AK5: variants seen among roughly 807,000 people sequenced by gnomAD.
The protein encoded by AK5 is adenylate kinase 5.
Under a neutral mutation model 69.5 loss-of-function variants are expected in AK5, and 27 were observed. The observed-to-expected ratio is 0.39, with a 90% CI of 0.29 to 0.54. The LOEUF is 0.54. AK5 is among the 20% of genes least tolerant of loss of function. AK5 has a pLI of 0.71. For missense variants in AK5, 531 were observed against 700.4 expected (o/e 0.76, Z 2.73); for synonymous variants, 260 against 244.4 (o/e 1.06, Z -0.60).
intron 6 of AK5, among the ~76,000 whole-genome samples, chr1:77,380,255 C>T (rs1647538418): frequency 6.6e-6 from 1 of 152,186 alleles, no homozygotes; most frequent in Non-Finnish European, 1.5e-5. Flanking sequence ...GCCCCCAGAG[C>T]AGTAATAATA....
intron 8 of AK5, among the ~76,000 whole-genome samples, chr1:77,482,266 T>G (rs1277203359): frequency 6.6e-6 from 1 of 152,158 alleles, no homozygotes; most frequent in Non-Finnish European, 1.5e-5. Context: ...AAGACATAGG[T>G]GAGAGTGAGA....
At chr1:77,444,341 ACACAATATATGT>A (rs61382755) in intron 8 of AK5, among the ~76,000 whole-genome samples, 107 of 63,250 alleles carry the variant, frequency 1.7e-3, no homozygotes, top group Middle Eastern at 0.01. Context: ...TAGTATATAT[ACACAATATATGT>A]GTATATATAG....
chr1:77,352,078 T>C (rs928919556), intron 6 of AK5, among the ~76,000 whole-genome samples: 2 of 151,938 alleles, frequency 1.3e-5, no homozygotes, highest in Non-Finnish European at 2.9e-5. Flanking sequence ...TACAGGTGCC[T>C]GCCACCATGC....
intron 6 of AK5, among the ~76,000 whole-genome samples, chr1:77,402,589 T>C (rs1425856638): frequency 6.6e-6 from 1 of 152,078 alleles, no homozygotes; most frequent in Non-Finnish European, 1.5e-5. Flanking sequence ...AATGATGATT[T>C]CCAGCTTCAT....
At chr1:77,289,334 G>C (rs187817584) in intron 2 of AK5, among the ~76,000 whole-genome samples, 10 of 152,218 alleles carry the variant, frequency 6.6e-5, no homozygotes, top group Admixed American at 1.3e-4. Context: ...TGATATTTTT[G>C]TGGGCTTGAA....
chr1:77,527,332 G>A (rs534668917), intron 12 of AK5, among the ~76,000 whole-genome samples: 103 of 152,250 alleles, frequency 6.8e-4, no homozygotes, highest in African/African-American at 2.4e-3. Context: ...GCAGCCCATT[G>A]GTCTGTCCTC....
chr1:77,382,966 A>T (rs552527184), intron 6 of AK5, among the ~76,000 whole-genome samples: 1 of 152,314 alleles, frequency 6.6e-6, no homozygotes, highest in African/African-American at 2.4e-5. Flanking sequence ...AAATAAAAGA[A>T]ATACAAAGAG....
At chr1:77,413,872 C>G (rs150717760) in intron 7 of AK5, among the ~76,000 whole-genome samples, 75 of 152,280 alleles carry the variant, frequency 4.9e-4, no homozygotes, top group African/African-American at 1.7e-3. Flanking sequence ...CCCCACTTCC[C>G]CTTCTCACCC....
chr1:77,429,543 G>C (rs1651453345), intron 8 of AK5, among the ~76,000 whole-genome samples: 1 of 152,184 alleles, frequency 6.6e-6, no homozygotes, highest in Non-Finnish European at 1.5e-5. Context: ...CTATCATAGA[G>C]CTTATAGTAG....
At chr1:77,457,112 A>G (rs559451619) in intron 8 of AK5, among the ~76,000 whole-genome samples, 49 of 151,846 alleles carry the variant, frequency 3.2e-4, no homozygotes, top group African/African-American at 1.1e-3. Flanking sequence ...CGTTGTTCTG[A>G]TTTTCAGTCC....
chr1:77,318,813 G>A (rs1489021945), intron 5 of AK5, among the ~76,000 whole-genome samples: 1 of 151,590 alleles, frequency 6.6e-6, no homozygotes, highest in Non-Finnish European at 1.5e-5. Context: ...CACTTCTTCA[G>A]CAAATTATGT....
intron 6 of AK5, among the ~76,000 whole-genome samples, chr1:77,401,829 G>A (rs535023980): frequency 6.6e-6 from 1 of 152,208 alleles, no homozygotes; most frequent in East Asian, 1.9e-4. Flanking sequence ...GTAGACTTTT[G>A]AAAGTTGTTA....
intron 8 of AK5, among the ~76,000 whole-genome samples, chr1:77,475,722 G>A (rs148096016): frequency 6.5e-4 from 98 of 151,474 alleles, no homozygotes; most frequent in African/African-American, 2.3e-3. Flanking sequence ...AGAGGTAAAG[G>A]TCAAATAATT....
chr1:77,527,193 T>C (rs921317288), intron 12 of AK5, among the ~76,000 whole-genome samples: 1 of 152,236 alleles, frequency 6.6e-6, no homozygotes, highest in Non-Finnish European at 1.5e-5. Flanking sequence ...CTATAAAAGT[T>C]TATAAAATAT....
At chr1:77,440,772 G>C (rs977248197) in intron 8 of AK5, among the ~76,000 whole-genome samples, 2 of 150,624 alleles carry the variant, frequency 1.3e-5, no homozygotes, top group African/African-American at 4.9e-5. Flanking sequence ...TGTTTTTTGA[G>C]ACAGTCTCAC....
chr1:77,367,569 A>ATATATGT lies in AK5; in HGVS notation c.891+27006_891+27007insGTTATAT, dbSNP rs1646980173. Among the ~76,000 whole-genome samples, 12 of 31,642 alleles carry ATATATGT rather than the reference A, an allele frequency of 3.8e-4. 2 individuals are homozygous for ATATATGT. The highest frequency in any genetic ancestry group is 5.6e-4 in the Non-Finnish European group (9 of 15,962). 20.8% of individuals were successfully genotyped at this position (31,642 alleles called of 152,430 possible). A position where few individuals can be genotyped will look rare whatever the true frequency, so the allele number is the denominator to read the frequency against. ...ATTTATGTTATTTTTATATATATAT[A>ATATATGT]TATATATATAATATATATGTTATAT... On this transcript the variant is annotated intron_variant, in intron 6 of 13. Coordinates refer to ENST00000354567, the MANE Select transcript of AK5 (RefSeq NM_174858.3).
chr1:77,528,407 A>G (rs1171099558), intron 12 of AK5, among the ~76,000 whole-genome samples: 1 of 152,138 alleles, frequency 6.6e-6, no homozygotes, highest in Non-Finnish European at 1.5e-5. Context: ...GCATTGGACC[A>G]TCAGTTCCTT....
At chr1:77,411,783 G>A (rs1028752041) in intron 7 of AK5, among the ~76,000 whole-genome samples, 5 of 152,096 alleles carry the variant, frequency 3.3e-5, no homozygotes, top group African/African-American at 1.2e-4. Flanking sequence ...AAAGAAAAAA[G>A]GCTAAACACT....
At chr1:77,523,050 C>T (rs1019900817) in intron 12 of AK5, among the ~76,000 whole-genome samples, 5 of 152,124 alleles carry the variant, frequency 3.3e-5, no homozygotes, top group Non-Finnish European at 5.9e-5. Flanking sequence ...TTTTGCGGGA[C>T]CCATCGCCAT....
Sources: gnomAD v4.1 joint callset for allele counts (sites outside exome capture counted in the v4.1 genomes callset) on GRCh38, gnomAD v4.1.1 for gene constraint, MANE v1.5 for transcripts, NCBI Gene and HGNC (gene_info 2026-07-23, HGNC 2026-07-21) for gene names.